Variants in PIK3CD observed in about 807,000 individuals in gnomAD.
The protein encoded by PIK3CD is phosphatidylinositol-4,5-bisphosphate 3-kinase catalytic subunit delta.
Under a neutral mutation model 122.9 loss-of-function variants are expected in PIK3CD, and 20 were observed. The ratio of observed to expected loss-of-function variants is 0.16; its 90% CI spans 0.11 to 0.24. The LOEUF (loss-of-function observed/expected upper bound fraction) is 0.24, where lower values mean the gene tolerates loss of function less well. Ranked by LOEUF, PIK3CD falls within the 10% of genes least tolerant of loss-of-function variation. PIK3CD has a pLI of 1.00. For synonymous variants in PIK3CD, 596 were observed against 593.4 expected (o/e 1.00, Z -0.06); for missense variants, 787 against 1,406.3 (o/e 0.56, Z 7.04).
chr1:9,726,849 C>G (rs530674667), intron 23 of PIK3CD, 60 bp from the exon 24 acceptor site: 2 of 1,606,434 alleles, frequency 1.2e-6, no homozygotes, highest in Non-Finnish European at 1.7e-6. Context: ...CAGAGAGGGA[C>G]GCATCCCAGA....
intron 2 of PIK3CD, among the ~76,000 whole-genome samples, chr1:9,693,876 T>A (rs1646300601): frequency 6.6e-6 from 1 of 151,682 alleles, no homozygotes; most frequent in Non-Finnish European, 1.5e-5. Flanking sequence ...CGAAAGGTGG[T>A]GTGTGCAGGG....
At chr1:9,630,707 AGTGT>A in the PIK3CD span, among the ~76,000 whole-genome samples, 1,330 of 147,660 alleles carry the variant, frequency 9.0e-3, 8 homozygotes, top group East Asian at 0.037. Context: ...AAAGAAAGTG[AGTGT>A]GTGTGTGTGT....
At position 9,719,894 on chromosome 1, in the gene PIK3CD, G is replaced by A. The variant is rs759105207; in HGVS notation, c.1243-27G>A. The A allele has an allele frequency of 1.3e-6, 2 of 1,599,598 alleles. No homozygotes were observed. The highest frequency in any genetic ancestry group is 8.6e-7 in the Non-Finnish European group (1 of 1,167,480). On this transcript the variant is annotated intron_variant, in intron 9 of 23. Transcript: ENST00000377346. This position sits in a 1 kb window ranked among gnomAD's most constrained non-coding sequence, Gnocchi z 5.5. The stretch of plus-strand genomic sequence containing the variant: ...TGGGTCTGGAGGCCCCTGAGTGGCT[G>A]TCCTCACCTGCCCTGTCCTTCTGCA...
chr1:9,720,268 G>C lies in PIK3CD; in HGVS notation c.1470+26G>C, dbSNP rs1367791827. 5.0e-6 allele frequency: 8 copies of C among 1,594,862 alleles called. No homozygotes were observed. The highest frequency in any genetic ancestry group is 6.9e-6 in the Non-Finnish European group (8 of 1,167,326). On this transcript the variant is annotated intron_variant, in intron 11 of 23. Transcript: ENST00000377346. The surrounding 1 kb of genome is among the most constrained non-coding windows in gnomAD (Gnocchi z 9.0). ...GTCAGTGGGGGCCCCGCCGCGTGAG[G>C]CTGAGGGGCTGGCGCGGAGCTCTCC... is the stretch of plus-strand genomic sequence containing the variant.
At chr1:9,697,063 CA>C (rs60416744) in intron 2 of PIK3CD, among the ~76,000 whole-genome samples, 9,567 of 76,994 alleles carry the variant, frequency 0.12, 649 homozygotes, top group East Asian at 0.51. Context: ...GATCCTGTCT[CA>C]AAAAAAAAAA....
chr1:9,637,941 TAA>T, the PIK3CD span, among the ~76,000 whole-genome samples: 1 of 151,586 alleles, frequency 6.6e-6, no homozygotes, highest in African/African-American at 2.4e-5. Flanking sequence ...CTGTCTCTAC[TAA>T]AAATACAAAA....
At chr1:9,653,262 A>G (rs1355259057) in intron 1 of PIK3CD, 1 of 159,336 alleles carries the variant, frequency 6.3e-6, no homozygotes, top group Non-Finnish European at 1.4e-5. Flanking sequence ...TGTTCTTGAC[A>G]ATTGAATGGT....
upstream of PIK3CD, among the ~76,000 whole-genome samples, chr1:9,651,003 A>G (rs1482534570): frequency 6.6e-6 from 1 of 152,012 alleles, no homozygotes; most frequent in Non-Finnish European, 1.5e-5. Flanking sequence ...CACCACCACG[A>G]CTGGCTAATT....
chr1:9,701,538 T>G (rs1646629851), intron 2 of PIK3CD, among the ~76,000 whole-genome samples: 1 of 151,994 alleles, frequency 6.6e-6, no homozygotes, highest in Non-Finnish European at 1.5e-5. Context: ...CCAGGCACAG[T>G]GGCAGACACC....
intron 1 of PIK3CD, among the ~76,000 whole-genome samples, chr1:9,675,348 T>G (rs1210275053): frequency 1.6e-5 from 2 of 128,474 alleles, no homozygotes; most frequent in African/African-American, 3.1e-5. Context: ...ATTGCGCCAC[T>G]GCACTCCCAC....
the PIK3CD span, among the ~76,000 whole-genome samples, chr1:9,630,372 G>A: frequency 0.01 from 1,537 of 152,322 alleles, 64 homozygotes; most frequent in South Asian, 0.092. Context: ...TCTCTTCCTC[G>A]GCTACAGCCC....
intron 23 of PIK3CD, among the ~76,000 whole-genome samples, chr1:9,725,450 G>A (rs1030399241): frequency 6.6e-6 from 1 of 152,214 alleles, no homozygotes; most frequent in South Asian, 2.1e-4. Context: ...CTACTTTCGG[G>A]AGGCTGAGGC....
chr1:9,655,697 C>CTTTTT (rs576002642), intron 1 of PIK3CD, among the ~76,000 whole-genome samples: 4 of 120,758 alleles, frequency 3.3e-5, no homozygotes, highest in African/African-American at 6.5e-5. Context: ...CTTTTTTCTT[C>CTTTTT]TTTTTTTTTT....
At chr1:9,656,646 A>C (rs1046241213) in intron 1 of PIK3CD, among the ~76,000 whole-genome samples, 2 of 152,120 alleles carry the variant, frequency 1.3e-5, no homozygotes, top group Non-Finnish European at 2.9e-5. Context: ...TCACTAAAAG[A>C]AAACAACAGC....
chr1:9,659,349 G>A lies in PIK3CD; in HGVS notation c.-138+7547G>A, dbSNP rs144030429. On this transcript the variant is annotated intron_variant, in intron 1 of 23. Transcript: ENST00000377346. ...AAAATAATTTAGTCGTAATTAGTAG[G>A]CATATGCTTTTTATCTTAATTTTCA... Among the ~76,000 whole-genome samples the A allele has an allele frequency of 3.5e-3, 537 of 152,208 alleles. 6 individuals carry two copies. The highest frequency in any genetic ancestry group is 5.5e-3 in the Non-Finnish European group (372 of 68,004).
chr1:9,675,053 A>T (rs1645470919), intron 1 of PIK3CD, among the ~76,000 whole-genome samples: 1 of 149,984 alleles, frequency 6.7e-6, no homozygotes, highest in South Asian at 2.1e-4. Flanking sequence ...AGAGAGAAAG[A>T]AAGAAAGAAA....
Position 9,720,990 on chromosome 1 carries a change from C to T in PIK3CD, c.1689+81C>T. On this transcript the variant is annotated intron_variant, in intron 13 of 23. Transcript: ENST00000377346. The surrounding 1 kb of genome is among the most constrained non-coding windows in gnomAD (Gnocchi z 9.0). ...TACCCACCACCCTGACCCCGGCCAA[C>T]CCCCACCCTCACCCTGGCCAACCTT... is the stretch of plus-strand genomic sequence containing the variant. 1 of 1,467,982 alleles carries T rather than the reference C, an allele frequency of 6.8e-7. No individual in the cohort carries two copies. Among genetic ancestry groups the T allele is most frequent in the South Asian group, 1.2e-5 (1 of 83,258 alleles). 90.9% of individuals were successfully genotyped at this position (1,467,982 alleles called of 1,614,324 possible).
intron 2 of PIK3CD, among the ~76,000 whole-genome samples, chr1:9,696,914 A>G (rs572038075): frequency 1.1e-4 from 16 of 152,032 alleles, no homozygotes; most frequent in Non-Finnish European, 1.9e-4. Context: ...TGGGCAATGT[A>G]CTAAGACCTT....
intron 23 of PIK3CD, among the ~76,000 whole-genome samples, chr1:9,725,638 G>C (rs1430864767): frequency 2.6e-5 from 4 of 152,026 alleles, no homozygotes; most frequent in South Asian, 4.2e-4. Flanking sequence ...CAGCACTTTG[G>C]GGGGCTGAGG....
Sources: gnomAD v4.1 joint callset for allele counts (sites outside exome capture counted in the v4.1 genomes callset) on GRCh38, gnomAD v4.1.1 for gene constraint, Gnocchi (gnomAD v3.1) non-coding constraint, MANE v1.5 for transcripts, NCBI Gene and HGNC (gene_info 2026-07-23, HGNC 2026-07-21) for gene names.